Variants in EIF4G3 observed in about 807,000 individuals in gnomAD.
The protein encoded by EIF4G3 is eukaryotic translation initiation factor 4 gamma 3, also known as eIF-4-gamma 3.
A neutral mutation model predicts 186.4 loss-of-function variants in EIF4G3; 34 were observed. The ratio of observed to expected loss-of-function variants is 0.18; its 90% CI spans 0.14 to 0.24. The LOEUF is 0.24. Ranked by LOEUF, EIF4G3 falls within the 10% of genes least tolerant of loss-of-function variation. The pLI is 1.00. For missense variants in EIF4G3, 1,536 were observed against 1,948.5 expected, an observed-to-expected ratio of 0.79 and a Z score of 3.99; for synonymous variants, 673 against 679.5, an observed-to-expected ratio of 0.99 and a Z score of 0.15.
At chr1:20,956,233 C>G (rs2096411611) in intron 12 of EIF4G3, among the ~76,000 whole-genome samples, 1 of 152,162 alleles carries the variant, frequency 6.6e-6, no homozygotes, top group Non-Finnish European at 1.5e-5. Context: ...CCATAATCCC[C>G]ATTACACACC....
At chr1:21,073,226 T>A (rs1466221321) in intron 3 of EIF4G3, among the ~76,000 whole-genome samples, 3 of 152,306 alleles carry the variant, frequency 2.0e-5, no homozygotes, top group East Asian at 3.9e-4. Flanking sequence ...CTTCTATACA[T>A]CAGATAAAAC....
intron 3 of EIF4G3, among the ~76,000 whole-genome samples, chr1:21,069,868 T>C (rs868645542): frequency 6.6e-6 from 1 of 152,190 alleles, no homozygotes; most frequent in Admixed American, 6.5e-5. Context: ...GATGAGCTAA[T>C]CATGGGTAAG....
At chr1:20,851,107 T>C (rs530973552) in intron 28 of EIF4G3, 151 bp downstream of exon 28, 138 of 689,816 alleles carry the variant, frequency 2.0e-4, no homozygotes, top group South Asian at 2.0e-3. Flanking sequence ...AGAACTGTTA[T>C]AAAACTATGA....
chr1:21,098,261 G>A (rs927781187), intron 2 of EIF4G3, among the ~76,000 whole-genome samples: 1 of 151,996 alleles, frequency 6.6e-6, no homozygotes, highest in Non-Finnish European at 1.5e-5. Flanking sequence ...AAGAAACTAG[G>A]CTGGGCCCAA....
rs1382001511 is a variant in EIF4G3, at chr1:20,942,198, G to A, written c.956C>T (p.Pro319Leu). ...AACAGTGGTAGGTGATGGAGGCAGA[G>A]GAAGCTCTGCTATGGATACTATTGC... ...TTAIVSIAEL[P>L]LPPSPTTVSS... is the part of the protein sequence containing the mutation. The change falls in exon 14 of 37, where the codon CCT becomes CTT. Residue 319 changes from proline (P) to leucine (L), a missense_variant. By Grantham distance (98) the Pro-to-Leu change is moderately conservative. Coordinates refer to ENST00000602326, the MANE Select transcript of EIF4G3 (RefSeq NM_001391906.1). The A allele has an allele frequency of 3.7e-6, 6 of 1,614,170 alleles. No individual in the cohort carries two copies. The African/African-American group carries it at 8.0e-5, about 22-fold the overall frequency.
chr1:20,960,328 T>C (rs897718038), intron 12 of EIF4G3, among the ~76,000 whole-genome samples: 59 of 152,102 alleles, frequency 3.9e-4, no homozygotes, highest in African/African-American at 1.4e-3. Context: ...TAGCCGGGCA[T>C]GGTGGCAGGC....
rs2064013281 is a variant in EIF4G3 at position 20,827,838 on chromosome 1, C to G, written c.4188-140G>C. The stretch of plus-strand genomic sequence containing the variant: ...GCAAGCCAAAGCTCCAGGACATGCT[C>G]TAAGTCATTTTCAGGAGAAGTTCCT... On this transcript the variant is annotated intron_variant, in intron 31 of 36. Transcript: ENST00000602326. 34 of 479,014 alleles carry G rather than the reference C, an allele frequency of 7.1e-5. No homozygotes were observed. The South Asian group carries it at 1.1e-3, about 16-fold the overall frequency. The allele number at this position is 479,014 out of a possible 1,614,324, so 29.7% of individuals were successfully genotyped here. A position where few individuals can be genotyped will look rare whatever the true frequency, so the allele number is the denominator to read the frequency against.
intron 14 of EIF4G3, among the ~76,000 whole-genome samples, chr1:20,919,451 C>T (rs1224812810): frequency 6.6e-6 from 1 of 152,182 alleles, no homozygotes; most frequent in Non-Finnish European, 1.5e-5. Context: ...CCAATCCACC[C>T]AACTTGACCT....
chr1:21,110,574 T>G (rs1009589966), intron 2 of EIF4G3, among the ~76,000 whole-genome samples: 1 of 151,864 alleles, frequency 6.6e-6, no homozygotes, highest in African/African-American at 2.4e-5. Context: ...GGATTACAGG[T>G]GTGAGCCACC....
chr1:21,123,037 C>T (rs899736275), intron 2 of EIF4G3, among the ~76,000 whole-genome samples: 1 of 152,126 alleles, frequency 6.6e-6, no homozygotes, highest in Non-Finnish European at 1.5e-5. Context: ...GCTTGATGGC[C>T]AGGCTTTTCC....
At chr1:20,985,149 G>A (rs934662571) in intron 7 of EIF4G3, among the ~76,000 whole-genome samples, 37 of 152,174 alleles carry the variant, frequency 2.4e-4, no homozygotes, top group African/African-American at 8.2e-4. Context: ...AAAGGATGTA[G>A]CAGGATCTTT....
chr1:20,880,766 GA>G (rs2082095107), intron 19 of EIF4G3, among the ~76,000 whole-genome samples: 1 of 151,784 alleles, frequency 6.6e-6, no homozygotes, highest in Admixed American at 6.6e-5. Context: ...AAAAAAGATG[GA>G]AAAAAATATG....
chr1:20,884,082 A>T (rs572259998), intron 19 of EIF4G3, among the ~76,000 whole-genome samples: 1 of 152,336 alleles, frequency 6.6e-6, no homozygotes, highest in Non-Finnish European at 1.5e-5. Context: ...TAGTAGTAGG[A>T]ACGTAAGGGA....
intron 2 of EIF4G3, among the ~76,000 whole-genome samples, chr1:21,139,196 T>C (rs561368426): frequency 6.6e-6 from 1 of 152,188 alleles, no homozygotes. Flanking sequence ...CTCTACTCAT[T>C]TGCCAAACCC....
chr1:20,912,004 A>G (rs912225031), intron 14 of EIF4G3, among the ~76,000 whole-genome samples: 2 of 152,190 alleles, frequency 1.3e-5, no homozygotes, highest in Admixed American at 6.5e-5. Flanking sequence ...CTCTAAAAAA[A>G]TAAGGCCAGG....
chr1:20,811,069 C>G (rs1557719396), intron 35 of EIF4G3, among the ~76,000 whole-genome samples, 185 bp from the exon 36 acceptor site: 1 of 152,154 alleles, frequency 6.6e-6, no homozygotes, highest in Admixed American at 6.5e-5. Context: ...CCTGTCTCAG[C>G]CTCCCAAGTT....
At chr1:21,154,129 G>A (rs190420970) in intron 2 of EIF4G3, among the ~76,000 whole-genome samples, 1 of 152,254 alleles carries the variant, frequency 6.6e-6, no homozygotes, top group Admixed American at 6.5e-5. Context: ...AATGGAATTT[G>A]CTCATTTCTA....
At chr1:20,848,871 AC>A (rs1164269867) in intron 29 of EIF4G3, among the ~76,000 whole-genome samples, 1 of 150,730 alleles carries the variant, frequency 6.6e-6, no homozygotes, top group Non-Finnish European at 1.5e-5. Flanking sequence ...AAATGGTGAA[AC>A]CCCGCCTCTA....
At chr1:21,056,965 GA>G (rs926549353) in intron 3 of EIF4G3, among the ~76,000 whole-genome samples, 2 of 152,150 alleles carry the variant, frequency 1.3e-5, no homozygotes, top group African/African-American at 4.8e-5. Flanking sequence ...GCATTTAAAA[GA>G]AAATATGCCC....
Sources: allele counts gnomAD v4.1 joint callset (sites outside exome capture counted in the v4.1 genomes callset), GRCh38; gene constraint gnomAD v4.1.1; transcripts MANE v1.5; gene names NCBI Gene and HGNC (gene_info 2026-07-23, HGNC 2026-07-21).